Variants in IL1RL1 observed in about 807,000 individuals in gnomAD.
The protein encoded by IL1RL1 is interleukin 1 receptor like 1.
IL1RL1 carries 32 observed loss-of-function variants against 50.9 expected under a neutral mutation model. That is an observed-to-expected ratio of 0.63 (90% CI 0.47 to 0.84). The LOEUF (loss-of-function observed/expected upper bound fraction) is 0.84, where lower values mean the gene tolerates loss of function less well. IL1RL1 is among the 40% of genes least tolerant of loss of function. The pLI is 0.00. For synonymous variants in IL1RL1, 275 were observed against 236.0 expected, an observed-to-expected ratio of 1.17 and a Z score of -1.51; for missense variants, 773 against 662.9, an observed-to-expected ratio of 1.17 and a Z score of -1.82.
chr2:102,341,200 G>T (rs1677548299), intron 5 of IL1RL1: 3 of 1,119,574 alleles, frequency 2.7e-6, no homozygotes, highest in Non-Finnish European at 2.2e-6. Context: ...TGGTGTCAGA[G>T]TTTCTGCAAA....
chr2:102,347,889 A>C, intron 8 of IL1RL1, 56 bp from the exon 9 acceptor site: 1 of 1,007,150 alleles, frequency 9.9e-7, no homozygotes. Flanking sequence ...TCCATGTATC[A>C]GTTTATTATA....
At chr2:102,351,000 T>C (rs1677914677) in intron 10 of IL1RL1, among the ~76,000 whole-genome samples, 1 of 152,194 alleles carries the variant, frequency 6.6e-6, no homozygotes, top group Non-Finnish European at 1.5e-5. Context: ...CTATTGTCCC[T>C]TGAGATTTTT....
rs112596146 is a variant in IL1RL1, at chr2:102,351,630, C to T, written c.1380C>T (p.Tyr460=). 56 of 1,613,974 alleles carry T rather than the reference C, an allele frequency of 3.5e-5. No homozygotes were observed. The highest frequency in any genetic ancestry group is 1.5e-4 in the Admixed American group (9 of 59,984). ...TCACTCACAATAAGGAGTTTGCCTACGAGCAGGAGGTTGCCCTGCACTGTG... is the reference window on the plus strand; with the variant it reads ...TCACTCACAATAAGGAGTTTGCCTATGAGCAGGAGGTTGCCCTGCACTGTG... ...PQITHNKEFA[Y]EQEVALHCAL... The change falls in exon 11 of 11, where the codon TAC becomes TAT. Residue 460 remains tyrosine (Y), a synonymous_variant. Coordinates refer to ENST00000233954, the MANE Select transcript of IL1RL1 (RefSeq NM_016232.5).
chr2:102,318,058 C>A (rs761038633), intron 1 of IL1RL1, among the ~76,000 whole-genome samples: 1 of 152,110 alleles, frequency 6.6e-6, no homozygotes, highest in African/African-American at 2.4e-5. Flanking sequence ...AGGTGACAGA[C>A]CCCCAGGGGG....
chr2:102,330,224 G>A (rs1260652440), intron 1 of IL1RL1, among the ~76,000 whole-genome samples: 5 of 151,956 alleles, frequency 3.3e-5, no homozygotes, highest in Non-Finnish European at 7.3e-5. Context: ...ATCATTCTCA[G>A]CAAACTATCG....
chr2:102,337,011 C>G (rs1677350530), intron 1 of IL1RL1: 1 of 152,088 alleles, frequency 6.6e-6, no homozygotes, highest in Non-Finnish European at 1.5e-5. Flanking sequence ...GGGGTACAGG[C>G]AATAAGCATT....
chr2:102,312,011 ATT>A (rs1433089359), intron 1 of IL1RL1, among the ~76,000 whole-genome samples: 1 of 36,972 alleles, frequency 2.7e-5, no homozygotes, highest in Non-Finnish European at 4.5e-5. Context: ...ATTTATATAT[ATT>A]ATATATAATA....
chr2:102,343,338 T>C lies in IL1RL1; in HGVS notation c.893T>C (p.Leu298Ser), dbSNP rs928387996. 1 of 1,614,214 alleles carries C rather than the reference T, an allele frequency of 6.2e-7. No homozygotes were observed. Among genetic ancestry groups the C allele is most frequent in the Non-Finnish European group, 8.5e-7 (1 of 1,180,034 alleles). The part of the protein sequence containing the change: ...RIADVKEEDL[L>S]LQYDCLALNL... ...GCTGACGTGAAGGAAGAGGATTTAT[T>C]GCTGCAGTACGACTGTCTGGCCCTG... is the stretch of plus-strand genomic sequence containing the variant. Residue 298 changes from leucine (L) to serine (S), a missense_variant, in exon 8 of 11, where the codon TTG becomes TCG. Leu to Ser is a moderately radical substitution (Grantham distance 145). Transcript: ENST00000233954.
At chr2:102,341,838 C>T (rs974983565) in intron 5 of IL1RL1, among the ~76,000 whole-genome samples, 4 of 152,138 alleles carry the variant, frequency 2.6e-5, no homozygotes, top group African/African-American at 9.7e-5. Context: ...TCTGTGGACT[C>T]ATCCATTTAT....
intron 8 of IL1RL1, chr2:102,343,925 G>T: frequency 1.1e-5 from 11 of 993,280 alleles, no homozygotes; most frequent in Non-Finnish European, 1.2e-5. Context: ...AATCCTAGGT[G>T]CTACTTTATA....
chr2:102,342,969 A>C, intron 6 of IL1RL1, 67 bp from the exon 7 acceptor site: 1 of 1,511,142 alleles, frequency 6.6e-7, no homozygotes. Context: ...TTTTTTTTAC[A>C]TTAAATGGGA....
At chr2:102,345,974 G>C in intron 8 of IL1RL1, 1 of 985,316 alleles carries the variant, frequency 1.0e-6, no homozygotes, top group Middle Eastern at 5.2e-4. Context: ...TTATCTTCGT[G>C]TTACAGGTGT....
At position 102,340,167 on chromosome 2, in the gene IL1RL1, A is replaced by G; in HGVS notation, c.342A>G (p.Pro114=). ...IYKKQSDCNV[P]DYLMYSTVSG... ...AAAAACAATCAGATTGCAATGTTCC[A>G]GATTATTTGATGTATTCAACAGTAT... The change falls in exon 4 of 11, where the codon CCA becomes CCG. Residue 114 remains proline, a synonymous_variant. Transcript: ENST00000233954. 6.3e-7 allele frequency: 1 copy of G among 1,599,184 alleles called. No individual in the cohort carries two copies. The highest frequency in any genetic ancestry group is 8.5e-7 in the Non-Finnish European group (1 of 1,172,678).
intron 1 of IL1RL1, among the ~76,000 whole-genome samples, chr2:102,329,892 G>A (rs1185248509): frequency 1.3e-5 from 2 of 152,180 alleles, no homozygotes; most frequent in African/African-American, 2.4e-5. Flanking sequence ...CCGTTGGTGG[G>A]ACTGTAAACT....
At chr2:102,324,746 G>T (rs182789807) in intron 1 of IL1RL1, among the ~76,000 whole-genome samples, 137 of 152,286 alleles carry the variant, frequency 9.0e-4, no homozygotes, top group African/African-American at 3.0e-3. Flanking sequence ...GTGGAGCCTC[G>T]CTCGTTGCTA....
intron 1 of IL1RL1, among the ~76,000 whole-genome samples, chr2:102,317,537 A>G (rs569257660): frequency 6.6e-6 from 1 of 152,258 alleles, no homozygotes; most frequent in African/African-American, 2.4e-5. Flanking sequence ...TAGCTTTACA[A>G]AGTGGTAGTT....
At chr2:102,325,656 A>C (rs554199706) in intron 1 of IL1RL1, among the ~76,000 whole-genome samples, 1 of 152,240 alleles carries the variant, frequency 6.6e-6, no homozygotes, top group Admixed American at 6.5e-5. Flanking sequence ...GAAGTCCTTA[A>C]AGGACCTGAT....
At chr2:102,335,422 G>T (rs1677293884) in intron 1 of IL1RL1, among the ~76,000 whole-genome samples, 1 of 152,102 alleles carries the variant, frequency 6.6e-6, no homozygotes, top group African/African-American at 2.4e-5. Context: ...CAGCAAGTCT[G>T]GTTTCAACCC....
intron 1 of IL1RL1, among the ~76,000 whole-genome samples, chr2:102,317,271 G>A (rs865886825): frequency 2.6e-5 from 4 of 152,002 alleles, no homozygotes; most frequent in South Asian, 2.1e-4. Flanking sequence ...GGAGAATGGC[G>A]TGAACCCAGG....
Sources: allele counts gnomAD v4.1 joint callset (sites outside exome capture counted in the v4.1 genomes callset), GRCh38; gene constraint gnomAD v4.1.1; transcripts MANE v1.5; gene names NCBI Gene and HGNC (gene_info 2026-07-23, HGNC 2026-07-21).